The following NAV2 variants were observed in gnomAD, a reference collection of about 807,000 sequenced individuals.
NAV2 encodes helicase, APC down-regulated 1.
In NAV2, 54 loss-of-function variants were observed where a neutral mutation model predicts 223.2. The ratio of observed to expected loss-of-function variants is 0.24; its 90% confidence interval spans 0.19 to 0.30. NAV2 has a LOEUF of 0.30. Ranked by LOEUF, NAV2 falls within the 10% of genes least tolerant of loss-of-function variation. The pLI is 1.00. For missense variants in NAV2, 2,806 were observed against 3,147.5 expected, an observed-to-expected ratio of 0.89 and a Z score of 2.60; for synonymous variants, 1,279 against 1,239.3, an observed-to-expected ratio of 1.03 and a Z score of -0.67.
chr11:19,495,730 C>T (rs2042773018), intron 1 of NAV2, among the ~76,000 whole-genome samples: 1 of 151,772 alleles, frequency 6.6e-6, no homozygotes, highest in Admixed American at 6.6e-5. Flanking sequence ...CTTTATATTG[C>T]ATGTAAATAT....
chr11:19,757,172 G>A (rs536801950), intron 1 of NAV2, among the ~76,000 whole-genome samples: 2 of 152,286 alleles, frequency 1.3e-5, no homozygotes, highest in East Asian at 3.9e-4. Context: ...TTGAAGCTGA[G>A]AGAGCACCAG....
intron 1 of NAV2, among the ~76,000 whole-genome samples, chr11:19,572,398 G>A (rs911162906): frequency 6.6e-6 from 1 of 152,208 alleles, no homozygotes; most frequent in Non-Finnish European, 1.5e-5. Context: ...CTGCAATAGA[G>A]ATTGGAATTT....
intron 6 of NAV2, among the ~76,000 whole-genome samples, chr11:19,928,827 G>A (rs181822789): frequency 6.6e-6 from 1 of 152,188 alleles, no homozygotes; most frequent in East Asian, 1.9e-4. Context: ...GCATATCTAG[G>A]ATCACGCCAT....
At chr11:20,000,198 C>G (rs1182472300) in intron 11 of NAV2, among the ~76,000 whole-genome samples, 1 of 152,216 alleles carries the variant, frequency 6.6e-6, no homozygotes, top group South Asian at 2.1e-4. Flanking sequence ...GGCAGGAGGT[C>G]TCAATCTTTG....
At position 19,859,137 on chromosome 11, in the gene NAV2, C is replaced by CTTTTTTTT. The variant is rs569446282; in HGVS notation, c.439-9773_439-9766dup. Among the ~76,000 whole-genome samples, 442 of 107,070 alleles carry CTTTTTTTT rather than the reference C, an allele frequency of 4.1e-3. 13 individuals are homozygous for CTTTTTTTT. The highest frequency in any genetic ancestry group is 0.014 in the African/African-American group (414 of 29,242). The allele number at this position is 107,070 out of a possible 152,430, so 70.2% of individuals were successfully genotyped here. ...ATGGAGGAGTCCAAAATCATATTCTCTTTTTTTTTTTTTTTTTTTTTTATT... is the reference window on the plus strand; with the variant it reads ...ATGGAGGAGTCCAAAATCATATTCTCTTTTTTTTTTTTTTTTTTTTTTTTTTTTTTATT... On this transcript the variant is annotated intron_variant, in intron 3 of 37. Coordinates refer to ENST00000349880, the MANE Select transcript of NAV2 (RefSeq NM_145117.5).
chr11:19,995,875 C>T (rs932584308), intron 11 of NAV2, among the ~76,000 whole-genome samples: 3 of 152,110 alleles, frequency 2.0e-5, no homozygotes, highest in Middle Eastern at 3.4e-3. Context: ...CTTGGATGAA[C>T]GTTGTTCCCT....
intron 4 of NAV2, among the ~76,000 whole-genome samples, chr11:19,877,047 A>G (rs1401498467): frequency 5.9e-5 from 9 of 152,030 alleles, no homozygotes; most frequent in South Asian, 2.1e-4. Flanking sequence ...CATGATGGCT[A>G]TACAAGTAAG....
intron 9 of NAV2, among the ~76,000 whole-genome samples, chr11:19,947,571 G>C (rs1235715733): frequency 2.0e-5 from 3 of 152,208 alleles, no homozygotes; most frequent in Admixed American, 6.5e-5. Context: ...CAGGAGGGAA[G>C]ACTTCAGTGG....
chr11:19,783,942 AG>A (rs2056927930), intron 1 of NAV2, among the ~76,000 whole-genome samples: 1 of 152,228 alleles, frequency 6.6e-6, no homozygotes, highest in South Asian at 2.1e-4. Flanking sequence ...TCAACAAAAA[AG>A]TTTCATACCT....
intron 1 of NAV2, among the ~76,000 whole-genome samples, chr11:19,368,427 A>G (rs1246627436): frequency 6.6e-6 from 1 of 152,158 alleles, no homozygotes; most frequent in Non-Finnish European, 1.5e-5. Flanking sequence ...GCTTCTTCCC[A>G]TCTACTGCAG....
At chr11:19,549,798 A>T (rs1248484431) in intron 1 of NAV2, among the ~76,000 whole-genome samples, 2 of 152,258 alleles carry the variant, frequency 1.3e-5, no homozygotes, top group African/African-American at 2.4e-5. Context: ...CACCATGAGC[A>T]TTAGGTCATC....
At chr11:19,754,941 T>C (rs1385282024) in intron 1 of NAV2, among the ~76,000 whole-genome samples, 1 of 152,176 alleles carries the variant, frequency 6.6e-6, no homozygotes, top group African/African-American at 2.4e-5. Context: ...CCTGGATTCT[T>C]TCCTGTGAAC....
chr11:19,871,295 C>A (rs904276392), intron 4 of NAV2, among the ~76,000 whole-genome samples: 1 of 152,178 alleles, frequency 6.6e-6, no homozygotes, highest in Non-Finnish European at 1.5e-5. Context: ...AAACTTCAAT[C>A]TCAGACTCTA....
chr11:19,478,677 C>A (rs984045852), intron 1 of NAV2, among the ~76,000 whole-genome samples: 1 of 152,192 alleles, frequency 6.6e-6, no homozygotes, highest in Non-Finnish European at 1.5e-5. Flanking sequence ...AAGACAAAAG[C>A]CTTCATCTTG....
chr11:19,560,852 G>C (rs183824782), intron 1 of NAV2, among the ~76,000 whole-genome samples: 2 of 152,334 alleles, frequency 1.3e-5, no homozygotes, highest in East Asian at 3.9e-4. Flanking sequence ...CAAGAGGAAA[G>C]TGCATCAACA....
At chr11:20,057,694 C>CA (rs2058451792) in intron 19 of NAV2, among the ~76,000 whole-genome samples, 1 of 152,168 alleles carries the variant, frequency 6.6e-6, no homozygotes, top group Non-Finnish European at 1.5e-5. Context: ...CTCTTCTCTG[C>CA]CATGTGTCTT....
intron 1 of NAV2, among the ~76,000 whole-genome samples, chr11:19,481,801 G>GC (rs1277521108): frequency 3.3e-5 from 5 of 152,198 alleles, no homozygotes; most frequent in African/African-American, 9.7e-5. Context: ...ATACCAAGGT[G>GC]CTTAAAGGCC....
chr11:19,815,302 C>T (rs982681712), intron 1 of NAV2, among the ~76,000 whole-genome samples: 2 of 152,152 alleles, frequency 1.3e-5, no homozygotes, highest in African/African-American at 4.8e-5. Flanking sequence ...GTGTCGTTTG[C>T]TCTAGATGTG....
intron 6 of NAV2, among the ~76,000 whole-genome samples, chr11:19,930,364 A>G (rs1341226217): frequency 6.6e-6 from 1 of 152,222 alleles, no homozygotes; most frequent in Admixed American, 6.5e-5. Flanking sequence ...AGCAAGCCTC[A>G]GAGTAGTTCC....
Sources: gnomAD v4.1 joint callset for allele counts (sites outside exome capture counted in the v4.1 genomes callset) on GRCh38, gnomAD v4.1.1 for gene constraint, MANE v1.5 for transcripts, NCBI Gene and HGNC (gene_info 2026-07-23, HGNC 2026-07-21) for gene names.